Variants in TTC7A observed in about 807,000 individuals in gnomAD.
TTC7A encodes the protein tetratricopeptide repeat protein 7A.
Under a neutral mutation model 103.7 loss-of-function variants are expected in TTC7A, and 110 were observed. That is an observed-to-expected ratio of 1.06 (90% confidence interval 0.91 to 1.24). The LOEUF (loss-of-function observed/expected upper bound fraction) is 1.24, where lower values mean the gene tolerates loss of function less well. Among genes scored for constraint, TTC7A ranks in the 50% most tolerant of loss-of-function variants. The pLI is 0.00. For synonymous variants in TTC7A, 521 were observed against 467.9 expected, an observed-to-expected ratio of 1.11 and a Z score of -1.47; for missense variants, 1,340 against 1,116.3, an observed-to-expected ratio of 1.20 and a Z score of -2.86.
chr2:47,072,459 A>T (rs17036223), intron 19 of TTC7A, among the ~76,000 whole-genome samples: 1 of 152,204 alleles, frequency 6.6e-6, no homozygotes, highest in Non-Finnish European at 1.5e-5. Context: ...GTTGTGTTCC[A>T]AGCTCTCCGA....
chr2:47,020,556 G>T (rs564107428), intron 11 of TTC7A, among the ~76,000 whole-genome samples: 1 of 152,180 alleles, frequency 6.6e-6, no homozygotes, highest in Admixed American at 6.5e-5. Flanking sequence ...CCACTGCCCC[G>T]GCTGGCAGCT....
intron 8 of TTC7A, among the ~76,000 whole-genome samples, chr2:47,000,485 A>G (rs968073644): frequency 2.6e-5 from 4 of 152,254 alleles, no homozygotes; most frequent in Non-Finnish European, 5.9e-5. Context: ...TTTCTGCTGC[A>G]GGAACCTGAC....
At chr2:47,050,365 G>C in intron 17 of TTC7A, 1 of 372,486 alleles carries the variant, frequency 2.7e-6, no homozygotes, top group Non-Finnish European at 5.1e-6. Flanking sequence ...CACAGTCCAC[G>C]TAATGTCCTT....
chr2:47,064,643 G>A (rs942209242), intron 19 of TTC7A, among the ~76,000 whole-genome samples: 1 of 152,162 alleles, frequency 6.6e-6, no homozygotes, highest in African/African-American at 2.4e-5. Context: ...ACTTCCAAGG[G>A]CAGAAGAGGT....
intron 2 of TTC7A, among the ~76,000 whole-genome samples, chr2:46,925,676 C>G (rs1359301142): frequency 6.6e-6 from 1 of 152,190 alleles, no homozygotes; most frequent in Admixed American, 6.5e-5. Flanking sequence ...GACTTCTCCC[C>G]TGCCACCTCC....
At chr2:46,951,912 G>A (rs182626114) in intron 2 of TTC7A, among the ~76,000 whole-genome samples, 2 of 152,330 alleles carry the variant, frequency 1.3e-5, no homozygotes, top group East Asian at 1.9e-4. Context: ...AAGGTAGACC[G>A]TGATAGGAGT....
At chr2:47,043,364 G>A (rs1371165845) in intron 15 of TTC7A, among the ~76,000 whole-genome samples, 2 of 152,194 alleles carry the variant, frequency 1.3e-5, no homozygotes, top group Non-Finnish European at 2.9e-5. Flanking sequence ...AAGCCAGAGG[G>A]CGACATCTGG....
At chr2:47,057,380 T>A (rs765082468) in intron 18 of TTC7A, among the ~76,000 whole-genome samples, 25 of 152,140 alleles carry the variant, frequency 1.6e-4, no homozygotes, top group Non-Finnish European at 3.2e-4. Context: ...TGCTCTCTGG[T>A]GTGTGGCCAG....
intron 19 of TTC7A, among the ~76,000 whole-genome samples, chr2:47,061,270 A>G (rs1205358891): frequency 1.3e-5 from 2 of 152,124 alleles, no homozygotes; most frequent in Non-Finnish European, 2.9e-5. Flanking sequence ...GGGTTCCGCA[A>G]AGGGATCTAG....
In TTC7A at chr2:46,941,752, C is replaced by G. The variant is rs1670409824; in HGVS notation, c.184+27C>G. The G allele has an allele frequency of 6.5e-7, 1 of 1,547,054 alleles. No homozygotes were observed. The highest frequency in any genetic ancestry group is 1.2e-5 in the South Asian group (1 of 83,856). ...TGAGTAAGGGAAGAGGCTGGCTCGCCGGCAGCGAGCGCGCGAAACGCACCG... is the reference window on the plus strand; with the variant it reads ...TGAGTAAGGGAAGAGGCTGGCTCGCGGGCAGCGAGCGCGCGAAACGCACCG... On this transcript the variant is annotated intron_variant, in intron 1 of 19. Coordinates refer to ENST00000319190, the MANE Select transcript of TTC7A (RefSeq NM_020458.4). This position sits in a 1 kb window ranked among gnomAD's most constrained non-coding sequence, Gnocchi z 4.2.
chr2:47,006,189 C>T (rs1677358301), intron 9 of TTC7A, 130 bp downstream of exon 9: 3 of 1,229,192 alleles, frequency 2.4e-6, no homozygotes, highest in South Asian at 2.9e-5. Context: ...TTGACCTCGG[C>T]AAGTTGTACA....
intron 2 of TTC7A, among the ~76,000 whole-genome samples, chr2:46,923,042 T>C (rs953826724): frequency 6.6e-6 from 1 of 152,152 alleles, no homozygotes; most frequent in Non-Finnish European, 1.5e-5. Context: ...ATACATAGGG[T>C]GAGGTCTGGA....
At chr2:47,021,714 C>G in intron 11 of TTC7A, 148 bp from the exon 12 acceptor site, 1 of 706,288 alleles carries the variant, frequency 1.4e-6, no homozygotes, top group Non-Finnish European at 2.5e-6. Flanking sequence ...GCTGGGATCT[C>G]TGGGGCAAGG....
At chr2:47,009,762 A>G (rs1013310817) in intron 10 of TTC7A, among the ~76,000 whole-genome samples, 2 of 151,964 alleles carry the variant, frequency 1.3e-5, no homozygotes, top group African/African-American at 4.8e-5. Flanking sequence ...GTACATGGGA[A>G]TTGTCATAGT....
intron 13 of TTC7A, 112 bp from the exon 14 acceptor site, chr2:47,024,175 C>T (rs1259546586): frequency 2.2e-6 from 2 of 927,826 alleles, no homozygotes; most frequent in Non-Finnish European, 3.1e-6. Context: ...GCAGAATCCC[C>T]CAGGGTATTG....
intron 19 of TTC7A, chr2:47,065,815 G>C (rs1430318600): frequency 7.3e-6 from 1 of 136,288 alleles, no homozygotes; most frequent in East Asian, 2.3e-4. Context: ...GGTGCAGCTT[G>C]TCTGCACTGC....
intron 16 of TTC7A, among the ~76,000 whole-genome samples, chr2:47,049,389 TG>T (rs1377540805): frequency 2.0e-5 from 3 of 151,702 alleles, no homozygotes; most frequent in African/African-American, 7.3e-5. Flanking sequence ...TCTGGGAAAT[TG>T]GGGACAAGGG....
intron 2 of TTC7A, among the ~76,000 whole-genome samples, chr2:46,929,361 C>A (rs1203539494): frequency 6.6e-6 from 1 of 152,054 alleles, no homozygotes; most frequent in Non-Finnish European, 1.5e-5. Context: ...GTGGTACACA[C>A]CTGTAGTTCT....
intron 15 of TTC7A, among the ~76,000 whole-genome samples, chr2:47,033,339 A>G (rs188725577): frequency 2.0e-5 from 3 of 152,394 alleles, no homozygotes; most frequent in East Asian, 1.9e-4. Context: ...ACAGAGGGCT[A>G]TCCCAGTGCC....
Sources: allele counts gnomAD v4.1 joint callset (sites outside exome capture counted in the v4.1 genomes callset), GRCh38; gene constraint gnomAD v4.1.1; non-coding constraint Gnocchi (gnomAD v3.1); transcripts MANE v1.5; gene names NCBI Gene and HGNC (gene_info 2026-07-23, HGNC 2026-07-21).